The following ORC1 variants were observed in gnomAD, a reference collection of about 807,000 sequenced individuals.
ORC1 encodes origin recognition complex, subunit 1 homolog.
Under a neutral mutation model 98.9 loss-of-function variants are expected in ORC1, and 61 were observed. The observed-to-expected ratio is 0.62, with a 90% CI of 0.50 to 0.76. The LOEUF (loss-of-function observed/expected upper bound fraction) is 0.76, where lower values mean the gene tolerates loss of function less well. Among genes scored for constraint, ORC1 ranks in the 30% least tolerant of loss-of-function variants. The pLI is 0.00. For synonymous variants in ORC1, 385 were observed against 406.9 expected, an observed-to-expected ratio of 0.95 and a Z score of 0.65; for missense variants, 979 against 1,072.2, an observed-to-expected ratio of 0.91 and a Z score of 1.21.
At chr1:52,395,686 C>A (rs1032587063) in intron 5 of ORC1, among the ~76,000 whole-genome samples, 7 of 152,166 alleles carry the variant, frequency 4.6e-5, no homozygotes, top group African/African-American at 1.7e-4. Flanking sequence ...CATAGTGGTA[C>A]ACACTTGTAG....
chr1:52,387,222 A>T (rs1217630150), intron 8 of ORC1, among the ~76,000 whole-genome samples: 2 of 152,090 alleles, frequency 1.3e-5, no homozygotes, highest in African/African-American at 2.4e-5. Flanking sequence ...CTGCTAGAGG[A>T]GCAGAGGCAT....
chr1:52,397,028 T>C (rs935353474), intron 4 of ORC1, among the ~76,000 whole-genome samples: 2 of 152,222 alleles, frequency 1.3e-5, no homozygotes, highest in South Asian at 2.1e-4. Flanking sequence ...TCCTGCTGCC[T>C]CAACTTTTGC....
chr1:52,408,294 G>T (rs997163382), upstream of ORC1: 20 of 545,796 alleles, frequency 3.7e-5, no homozygotes, highest in Non-Finnish European at 6.5e-5. Flanking sequence ...ATCCTGTGAG[G>T]TAAATAGGTT....
At chr1:52,399,598 T>C (rs1324909148) in intron 3 of ORC1, among the ~76,000 whole-genome samples, 1 of 120,682 alleles carries the variant, frequency 8.3e-6, no homozygotes, top group East Asian at 2.4e-4. Flanking sequence ...CACTCCAGAC[T>C]GGGCGACACA....
chr1:52,404,839 T>C (rs1647925187), upstream of ORC1: 2 of 1,614,236 alleles, frequency 1.2e-6, no homozygotes, highest in Non-Finnish European at 1.7e-6. Flanking sequence ...CGCGAATCTA[T>C]GAGTCCAAGT....
chr1:52,396,085 G>T lies in ORC1; in HGVS notation c.682C>A (p.Pro228Thr). The T allele has an allele frequency of 6.2e-7, 1 of 1,614,192 alleles. No individual in the cohort carries two copies. Among genetic ancestry groups the T allele is most frequent in the Non-Finnish European group, 8.5e-7 (1 of 1,180,040 alleles). Residue 228 changes from proline to threonine, a missense_variant, in exon 5 of 17, where the codon CCT (proline) becomes ACT (threonine). Pro to Thr is a conservative substitution (Grantham distance 38). Transcript: ENST00000371568. ...ASKSRQTPTHPLTPRARKRLE... is the reference protein window; with the variant it reads ...ASKSRQTPTHTLTPRARKRLE... ...CTCTTTCTGGCTCTTGGGGTAAGAG[G>T]ATGGGTAGGAGTTTGGCGAGATTTG...
At chr1:52,402,342 C>A in intron 1 of ORC1, 114 bp from the exon 2 acceptor site, 1 of 778,766 alleles carries the variant, frequency 1.3e-6, no homozygotes, top group Non-Finnish European at 2.3e-6. Context: ...ATTTTCTGCC[C>A]CTGCTACACT....
At chr1:52,376,360 CAAAA>C (rs1027033259) in intron 14 of ORC1, among the ~76,000 whole-genome samples, 1 of 152,102 alleles carries the variant, frequency 6.6e-6, no homozygotes, top group African/African-American at 2.4e-5. Context: ...ACTAAAAATA[CAAAA>C]ATCAGCCGGG....
chr1:52,373,189 C>T lies in ORC1; in HGVS notation c.2578G>A (p.Asp860Asn). 6.2e-7 allele frequency: 1 copy of T among 1,614,122 alleles called. No individual in the cohort carries two copies. The highest frequency in any genetic ancestry group is 8.5e-7 in the Non-Finnish European group (1 of 1,180,012). ...SQDDVLYALK[D>N]E is the part of the protein sequence containing the mutation. The stretch of plus-strand genomic sequence containing the variant: ...TAACTTGTGAAGCCCCTTTACTCGT[C>T]TTTCAGCGCATACAGCACATCATCC... The change falls in exon 17 of 17, where the codon GAC becomes AAC. Residue 860 changes from aspartate to asparagine, a missense_variant. Transcript: ENST00000371568.
At chr1:52,406,618 A>G (rs1569972912), upstream of ORC1, among the ~76,000 whole-genome samples, 1 of 152,220 alleles carries the variant, frequency 6.6e-6, no homozygotes, top group East Asian at 1.9e-4. Flanking sequence ...ATGCATGCAG[A>G]TCTCTGAACA....
intron 10 of ORC1, 69 bp downstream of exon 10, chr1:52,385,092 A>G: frequency 2.0e-6 from 2 of 980,426 alleles, no homozygotes; most frequent in Non-Finnish European, 3.3e-6. Context: ...GCTGAACTGT[A>G]ACACCCAAGG....
intron 3 of ORC1, among the ~76,000 whole-genome samples, chr1:52,398,677 G>T (rs1008820315): frequency 1.3e-5 from 2 of 152,176 alleles, no homozygotes; most frequent in South Asian, 2.1e-4. Flanking sequence ...CGCCTCCCAG[G>T]TTCACACCAT....
Position 52,385,185 on chromosome 1 carries a change from C to T in ORC1, c.1559G>A (p.Ser520Asn), listed in dbSNP as rs763526918. The T allele has an allele frequency of 6.2e-7, 1 of 1,613,682 alleles. No homozygotes were observed. Among genetic ancestry groups the T allele is most frequent in the Non-Finnish European group, 8.5e-7 (1 of 1,179,578 alleles). Residue 520 changes from serine to asparagine, a missense_variant, in exon 10 of 17, where the codon AGC becomes AAC. Physicochemically the swap from Ser to Asn is conservative, Grantham distance 46. Transcript: ENST00000371568. The part of the protein sequence containing the change: ...EFQDIYNFVE[S>N]KLLDHTGGCM... ...CCCTCCGGTATGGTCAAGGAGTTTG[C>T]TTTCCACAAAATTGTAGATGTCTTG...
At position 52,383,296 on chromosome 1, in the gene ORC1, G is replaced by C; in HGVS notation, c.2013+124C>G. 6 of 1,098,690 alleles carry C rather than the reference G, an allele frequency of 5.5e-6. No homozygotes were observed. In the South Asian group the frequency reaches 7.6e-5, roughly 14 times the overall value. The allele number at this position is 1,098,690 out of a possible 1,614,324, so 68.1% of individuals were successfully genotyped here. A position where few individuals can be genotyped will look rare whatever the true frequency, so the allele number is the denominator to read the frequency against. Reference sequence around the variant, plus strand: ...ACTCCTGACCTCAAGTGATCCGCCCGCCTTGGCCTCCCAAAGTGCGGGGTT... The same window carrying C: ...ACTCCTGACCTCAAGTGATCCGCCCCCCTTGGCCTCCCAAAGTGCGGGGTT... On this transcript the variant is annotated intron_variant, in intron 13 of 16. Coordinates refer to ENST00000371568, the MANE Select transcript of ORC1 (RefSeq NM_004153.4).
At chr1:52,387,963 T>C (rs1647165331) in intron 8 of ORC1, among the ~76,000 whole-genome samples, 1 of 152,238 alleles carries the variant, frequency 6.6e-6, no homozygotes, top group Non-Finnish European at 1.5e-5. Context: ...AGTGTTCTGC[T>C]AAAGTTCCAC....
In ORC1 at chr1:52,383,936, T is replaced by G; in HGVS notation, c.1757A>C (p.Lys586Thr). ...GGCTGTTGCTTTTTGGCCTGTTAGC[T>G]TCTGCATTAGGAGAAACACAGTTGT... ...PHQVYVQILQ[K>T]LTGQKATANH... Residue 586 changes from lysine to threonine, a missense_variant and splice_region_variant, in exon 12 of 17, where the codon AAG (lysine) becomes ACG (threonine). Lys to Thr is a moderately conservative substitution (Grantham distance 78). Transcript: ENST00000371568. 6.2e-7 allele frequency: 1 copy of G among 1,613,758 alleles called. No homozygotes were observed. The highest frequency in any genetic ancestry group is 1.3e-5 in the African/African-American group (1 of 75,048).
intron 14 of ORC1, among the ~76,000 whole-genome samples, chr1:52,379,019 C>T (rs999333208): frequency 3.3e-5 from 5 of 151,028 alleles, no homozygotes; most frequent in South Asian, 2.1e-4. Flanking sequence ...GGCGACAGAG[C>T]GAGACTCCGT....
At chr1:52,408,194 C>T (rs1049776074), upstream of ORC1, 15 of 352,470 alleles carry the variant, frequency 4.3e-5, no homozygotes, top group African/African-American at 2.6e-4. Flanking sequence ...GAGCCAAGAT[C>T]GTGCCACTGC....
upstream of ORC1, chr1:52,404,621 T>C: frequency 9.7e-7 from 1 of 1,030,840 alleles, no homozygotes; most frequent in Non-Finnish European, 1.4e-6. Context: ...TGTTTCCGGC[T>C]TCAAGATGGT....
Sources: gnomAD v4.1 joint callset for allele counts (sites outside exome capture counted in the v4.1 genomes callset) on GRCh38, gnomAD v4.1.1 for gene constraint, MANE v1.5 for transcripts, NCBI Gene and HGNC (gene_info 2026-07-23, HGNC 2026-07-21) for gene names.